Variants in ST6GAL1 observed in about 807,000 individuals in gnomAD.
ST6GAL1 encodes the protein ST6 beta-galactoside alpha-2,6-sialyltransferase 1.
Under a neutral mutation model 38.0 loss-of-function variants are expected in ST6GAL1, and 20 were observed. That is an observed-to-expected ratio of 0.53 (90% CI 0.37 to 0.77). The LOEUF is 0.77. Ranked by LOEUF, ST6GAL1 falls within the 30% of genes least tolerant of loss-of-function variation. The pLI is 0.00. For missense variants in ST6GAL1, 432 were observed against 496.4 expected, an observed-to-expected ratio of 0.87 and a Z score of 1.23; for synonymous variants, 196 against 188.2, an observed-to-expected ratio of 1.04 and a Z score of -0.34.
chr3:186,999,283 G>C (rs1193737419), intron 2 of ST6GAL1, among the ~76,000 whole-genome samples: 1 of 152,214 alleles, frequency 6.6e-6, no homozygotes, highest in African/African-American at 2.4e-5. Flanking sequence ...CATAGGAACA[G>C]CTCAGCTATG....
chr3:187,029,126 C>T (rs138856765), intron 2 of ST6GAL1, among the ~76,000 whole-genome samples: 60 of 144,542 alleles, frequency 4.2e-4, no homozygotes, highest in African/African-American at 1.5e-3. Flanking sequence ...CTTCATGTCA[C>T]GTCACATCAG....
intron 2 of ST6GAL1, among the ~76,000 whole-genome samples, chr3:187,030,537 G>C (rs1243159778): frequency 6.6e-6 from 1 of 152,102 alleles, no homozygotes; most frequent in East Asian, 1.9e-4. Context: ...GGATTCAAGC[G>C]ATCCTCCTGC....
At chr3:187,072,973 G>C in intron 6 of ST6GAL1, 26 bp downstream of exon 6, 2 of 1,557,150 alleles carry the variant, frequency 1.3e-6, no homozygotes, top group Non-Finnish European at 1.8e-6. Flanking sequence ...TGGGAAATAG[G>C]GGTTGAGTTT....
At chr3:187,071,181 C>A (rs959917304) in intron 5 of ST6GAL1, among the ~76,000 whole-genome samples, 2 of 152,178 alleles carry the variant, frequency 1.3e-5, no homozygotes, top group Non-Finnish European at 2.9e-5. Context: ...ATGATTCTTG[C>A]TTTCGTTTCA....
intron 2 of ST6GAL1, among the ~76,000 whole-genome samples, chr3:186,978,452 T>C (rs901242643): frequency 1.3e-5 from 2 of 152,186 alleles, no homozygotes; most frequent in African/African-American, 4.8e-5. Flanking sequence ...TAACAGCTTC[T>C]GGAGCCTGGT....
chr3:187,067,081 C>CTTTTTTTTTTTTTTTTTTT (rs763013682), intron 5 of ST6GAL1, among the ~76,000 whole-genome samples: 3 of 93,036 alleles, frequency 3.2e-5, no homozygotes, highest in Admixed American at 1.2e-4. Flanking sequence ...TTCTTTCTTT[C>CTTTTTTTTTTTTTTTTTTT]TTTTTTTTTT....
intron 2 of ST6GAL1, among the ~76,000 whole-genome samples, chr3:187,034,233 A>G (rs1290802174): frequency 1.3e-5 from 2 of 152,168 alleles, no homozygotes; most frequent in Non-Finnish European, 2.9e-5. Context: ...GAACAGACCA[A>G]TATCAAGTTC....
chr3:187,010,131 C>T (rs1716909799), intron 2 of ST6GAL1, among the ~76,000 whole-genome samples: 1 of 152,142 alleles, frequency 6.6e-6, no homozygotes, highest in South Asian at 2.1e-4. Context: ...TATTCATGGG[C>T]TGACATAAAA....
At chr3:186,966,840 G>A (rs1715146847) in intron 2 of ST6GAL1, among the ~76,000 whole-genome samples, 1 of 152,174 alleles carries the variant, frequency 6.6e-6, no homozygotes, top group African/African-American at 2.4e-5. Context: ...TGTTTCCCGG[G>A]GAGCGCACAA....
chr3:186,979,521 G>A (rs186806715), intron 2 of ST6GAL1, among the ~76,000 whole-genome samples: 101 of 145,134 alleles, frequency 7.0e-4, no homozygotes, highest in South Asian at 2.3e-4. Context: ...AAGGAGGGTA[G>A]GGGTAGAAGA....
At chr3:186,970,416 G>A (rs868371085) in intron 2 of ST6GAL1, among the ~76,000 whole-genome samples, 3 of 150,672 alleles carry the variant, frequency 2.0e-5, no homozygotes, top group Admixed American at 6.6e-5. Context: ...GTGGAGACAA[G>A]GTTTCACTGT....
intron 2 of ST6GAL1, among the ~76,000 whole-genome samples, chr3:187,021,563 A>C (rs1454958641): frequency 6.6e-6 from 1 of 151,718 alleles, no homozygotes; most frequent in East Asian, 2.0e-4. Flanking sequence ...AACATGGTGA[A>C]ACCCCGTCTC....
At chr3:187,054,381 T>C (rs1299780371) in intron 5 of ST6GAL1, among the ~76,000 whole-genome samples, 3 of 152,202 alleles carry the variant, frequency 2.0e-5, no homozygotes, top group African/African-American at 7.2e-5. Flanking sequence ...TTGTGCTAGT[T>C]TTCAAAGGGA....
intron 2 of ST6GAL1, among the ~76,000 whole-genome samples, chr3:186,995,157 G>A (rs1440863641): frequency 6.6e-6 from 1 of 151,972 alleles, no homozygotes; most frequent in Non-Finnish European, 1.5e-5. Flanking sequence ...AATAGTTTGT[G>A]TATTCAAATT....
intron 2 of ST6GAL1, among the ~76,000 whole-genome samples, chr3:186,983,884 G>A (rs575886534): frequency 3.9e-5 from 6 of 152,048 alleles, no homozygotes; most frequent in African/African-American, 1.4e-4. Flanking sequence ...AAGAACATCC[G>A]AAAAGCTCTC....
rs191218797 is a variant in ST6GAL1, at chr3:186,992,531, C to T, written c.-183+28605C>T. ...AAACATGGCCGGGCGCGGTGGCTCCCGCCTGTAATCCCAGCACTTTGGGAG... is the reference window on the plus strand; with the variant it reads ...AAACATGGCCGGGCGCGGTGGCTCCTGCCTGTAATCCCAGCACTTTGGGAG... On this transcript the variant is annotated intron_variant, in intron 2 of 7. Transcript: ENST00000169298. 8.4e-3 allele frequency among the ~76,000 whole-genome samples: 1,274 copies of T among 152,242 alleles called. 16 individuals carry two copies. Among genetic ancestry groups the T allele is most frequent in the African/African-American group, 0.029 (1,211 of 41,538 alleles).
intron 5 of ST6GAL1, among the ~76,000 whole-genome samples, chr3:187,057,625 C>T (rs896132791): frequency 1.3e-5 from 2 of 152,154 alleles, no homozygotes; most frequent in Non-Finnish European, 2.9e-5. Flanking sequence ...GCAGAGGCTG[C>T]AGAACAGCAA....
chr3:187,027,053 AAAAT>A (rs1034572615), intron 2 of ST6GAL1, among the ~76,000 whole-genome samples: 20 of 152,090 alleles, frequency 1.3e-4, no homozygotes, highest in African/African-American at 4.1e-4. Context: ...TGTCTCCAAA[AAAAT>A]AAATAAATAA....
At chr3:187,026,370 A>G (rs1717537082) in intron 2 of ST6GAL1, among the ~76,000 whole-genome samples, 1 of 152,202 alleles carries the variant, frequency 6.6e-6, no homozygotes, top group Admixed American at 6.5e-5. Context: ...CGCCTTGGGC[A>G]CTGTTGTTGC....
Sources: allele counts gnomAD v4.1 joint callset (sites outside exome capture counted in the v4.1 genomes callset), GRCh38; gene constraint gnomAD v4.1.1; transcripts MANE v1.5; gene names NCBI Gene and HGNC (gene_info 2026-07-23, HGNC 2026-07-21).